Variants in CHD7 observed in about 807,000 individuals in gnomAD.
The protein encoded by CHD7 is ATP-dependent chromatin remodeler CHD7.
A neutral mutation model predicts 307.3 loss-of-function variants in CHD7; 24 were observed. That is an observed-to-expected ratio of 0.08 (90% CI 0.06 to 0.11). The LOEUF (loss-of-function observed/expected upper bound fraction) is 0.11. CHD7 is among the 10% of genes least tolerant of loss of function. The pLI is 1.00. For synonymous variants in CHD7, 1,363 were observed against 1,349.9 expected (o/e 1.01, Z -0.21); for missense variants, 3,106 against 3,727.1 (o/e 0.83, Z 4.34).
At position 60,856,513 on chromosome 8, in the gene CHD7, C is replaced by A. The variant is rs771141688; in HGVS notation, c.7233C>A (p.Ala2411=). The change falls in exon 34 of 38, where the codon GCC becomes GCA. Residue 2411 remains alanine (A), a synonymous_variant. Coordinates refer to ENST00000423902, the MANE Select transcript of CHD7 (RefSeq NM_017780.4). Reference sequence around the variant, plus strand: ...GGAGGAGAAAAATCGAAATTGAGGCCGAAAGAGCTGCCAAGAGGCGAAATC... The same window carrying A: ...GGAGGAGAAAAATCGAAATTGAGGCAGAAAGAGCTGCCAAGAGGCGAAATC... ...RRRRRKIEIE[A]ERAAKRRNLM... 1.2e-6 allele frequency: 2 copies of A among 1,613,748 alleles called. No individual in the cohort carries two copies. The highest frequency in any genetic ancestry group is 3.3e-5 in the Admixed American group (2 of 59,990).
At chr8:60,701,228 T>C (rs1806745982) in intron 1 of CHD7, among the ~76,000 whole-genome samples, 1 of 152,212 alleles carries the variant, frequency 6.6e-6, no homozygotes. Context: ...GTTCACAGGT[T>C]ATGTAGTACT....
chr8:60,758,958 C>G (rs1432569294), intron 2 of CHD7, among the ~76,000 whole-genome samples: 1 of 152,108 alleles, frequency 6.6e-6, no homozygotes, highest in East Asian at 1.9e-4. Context: ...TAACAATTAC[C>G]AGCGTATTTT....
At chr8:60,843,363 T>C (rs1805058913) in intron 21 of CHD7, among the ~76,000 whole-genome samples, 1 of 152,210 alleles carries the variant, frequency 6.6e-6, no homozygotes, top group Non-Finnish European at 1.5e-5. Flanking sequence ...AGCACAATCA[T>C]CAGATTTGAG....
At position 60,837,054 on chromosome 8, in the gene CHD7, C is replaced by T. The variant is rs745805253; in HGVS notation, c.4185+42C>T. The T allele has an allele frequency of 4.1e-6, 6 of 1,481,270 alleles. No homozygotes were observed. In the South Asian group the frequency reaches 7.3e-5, roughly 18 times the overall value. The allele number at this position is 1,481,270 out of a possible 1,614,324, so 91.8% of individuals were successfully genotyped here. The stretch of plus-strand genomic sequence containing the variant: ...GTCCTGATGCCTTTAAAAAGGAAGT[C>T]ATTCTGCTTACTATGACAGAGAGTA... On this transcript the variant is annotated intron_variant, in intron 17 of 37. Transcript: ENST00000423902.
Position 60,781,037 on chromosome 8 carries a change from C to T in CHD7, c.1703C>T (p.Pro568Leu), listed in dbSNP as rs757689264. The change falls in exon 3 of 38, where the codon CCG becomes CTG. Residue 568 changes from proline to leucine, a missense_variant. Pro to Leu is a moderately conservative substitution (Grantham distance 98). Coordinates refer to ENST00000423902, the MANE Select transcript of CHD7 (RefSeq NM_017780.4). ...PSEPFLEKPV[P>L]DMTQVSGPNA... ...GAGCCCTTTCTAGAGAAACCAGTGCCGGATATGACTCAGGTTAGTGGACCG... is the reference window on the plus strand; with the variant it reads ...GAGCCCTTTCTAGAGAAACCAGTGCTGGATATGACTCAGGTTAGTGGACCG... 2.0e-5 allele frequency: 32 copies of T among 1,589,868 alleles called. No homozygotes were observed. Among genetic ancestry groups the T allele is most frequent in the South Asian group, 3.5e-5 (3 of 85,908 alleles).
At chr8:60,819,918 C>T in intron 8 of CHD7, 89 bp from the exon 9 acceptor site, 1 of 910,344 alleles carries the variant, frequency 1.1e-6, no homozygotes, top group Non-Finnish European at 1.7e-6. Flanking sequence ...TGCTGTGACC[C>T]AAAATATTAT....
intron 2 of CHD7, among the ~76,000 whole-genome samples, chr8:60,751,768 G>A (rs1809652994): frequency 6.6e-6 from 1 of 152,198 alleles, no homozygotes; most frequent in African/African-American, 2.4e-5. Flanking sequence ...ATGACTGCAG[G>A]AGTGGTGGAG....
chr8:60,717,419 TTATC>T, intron 1 of CHD7, among the ~76,000 whole-genome samples: 1 of 152,216 alleles, frequency 6.6e-6, no homozygotes, highest in Non-Finnish European at 1.5e-5. Context: ...TGTATTTTGT[TTATC>T]TAGAGAGAAA....
At chr8:60,730,558 G>A (rs145831361) in intron 1 of CHD7, among the ~76,000 whole-genome samples, 1,792 of 152,220 alleles carry the variant, frequency 0.012, 36 homozygotes, top group African/African-American at 0.041. Context: ...GGTCAACTTT[G>A]GTATAGAAAT....
intron 1 of CHD7, among the ~76,000 whole-genome samples, chr8:60,710,459 T>G (rs951006890): frequency 2.0e-5 from 3 of 152,184 alleles, no homozygotes. Flanking sequence ...CACTGTACCA[T>G]CTGTATCAAA....
chr8:60,850,360 C>T, intron 25 of CHD7, 133 bp from the exon 26 acceptor site: 1 of 1,095,412 alleles, frequency 9.1e-7, no homozygotes, highest in Non-Finnish European at 1.3e-6. Flanking sequence ...AAAACAAGGT[C>T]CACTTGGATT....
At chr8:60,775,780 C>T (rs950168504) in intron 2 of CHD7, among the ~76,000 whole-genome samples, 2 of 152,132 alleles carry the variant, frequency 1.3e-5, no homozygotes, top group Admixed American at 6.5e-5. Context: ...ATTTTTGAAA[C>T]GGAGTCTTGC....
intron 1 of CHD7, among the ~76,000 whole-genome samples, chr8:60,720,061 A>G (rs544270957): frequency 6.6e-6 from 1 of 152,202 alleles, no homozygotes; most frequent in Non-Finnish European, 1.5e-5. Context: ...GTGTGAGCAT[A>G]TTATAGATAC....
At chr8:60,863,632 A>G (rs189647203) in intron 37 of CHD7, 31 of 152,134 alleles carry the variant, frequency 2.0e-4, no homozygotes, top group African/African-American at 7.0e-4. Flanking sequence ...TTTTACATAT[A>G]TTTGAAATAT....
intron 29 of CHD7, 113 bp from the exon 30 acceptor site, chr8:60,852,385 C>A: frequency 7.8e-7 from 1 of 1,288,280 alleles, no homozygotes; most frequent in Non-Finnish European, 1.1e-6. Context: ...CAGTCTGTTT[C>A]CCCACCCCCA....
intron 1 of CHD7, among the ~76,000 whole-genome samples, chr8:60,715,452 T>TCC (rs1216785604): frequency 3.2e-4 from 49 of 151,948 alleles, no homozygotes; most frequent in African/African-American, 1.0e-3. Context: ...CCGGAGTAGC[T>TCC]GGGATTACAG....
chr8:60,855,905 G>A, intron 32 of CHD7, 70 bp from the exon 33 acceptor site: 2 of 984,396 alleles, frequency 2.0e-6, no homozygotes, highest in Non-Finnish European at 3.1e-6. Context: ...GCATCTTGAT[G>A]GATGTATTTA....
intron 2 of CHD7, among the ~76,000 whole-genome samples, chr8:60,747,045 T>C (rs1450985290): frequency 6.6e-6 from 1 of 152,146 alleles, no homozygotes; most frequent in Non-Finnish European, 1.5e-5. Context: ...TCTCAGAAAG[T>C]TTTAAGTTTT....
chr8:60,680,525 A>G (rs13262494), intron 1 of CHD7, among the ~76,000 whole-genome samples: 1 of 151,750 alleles, frequency 6.6e-6, no homozygotes, highest in Non-Finnish European at 1.5e-5. Context: ...CTTTCTCCGG[A>G]TGGCTCTGCC....
Sources: allele counts gnomAD v4.1 joint callset (sites outside exome capture counted in the v4.1 genomes callset), GRCh38; gene constraint gnomAD v4.1.1; transcripts MANE v1.5; gene names NCBI Gene and HGNC (gene_info 2026-07-23, HGNC 2026-07-21).